Variants in GFRA1 observed in about 807,000 individuals in gnomAD.
GFRA1 encodes GDNF family receptor alpha 1.
GFRA1 carries 16 observed loss-of-function variants against 51.6 expected under a neutral mutation model. The observed-to-expected ratio is 0.31, with a 90% CI of 0.21 to 0.47. GFRA1 has a LOEUF of 0.47. Among genes scored for constraint, GFRA1 ranks in the 20% least tolerant of loss-of-function variants. The pLI is 1.00. For missense variants in GFRA1, 530 were observed against 594.3 expected, an observed-to-expected ratio of 0.89 and a Z score of 1.13; for synonymous variants, 270 against 241.3, an observed-to-expected ratio of 1.12 and a Z score of -1.10.
chr10:116,164,925 A>T (rs1334533943), intron 5 of GFRA1, among the ~76,000 whole-genome samples: 1 of 152,184 alleles, frequency 6.6e-6, no homozygotes, highest in Non-Finnish European at 1.5e-5. Context: ...GATTTTTAAA[A>T]CAAGTTTTTC....
At chr10:116,260,397 T>C (rs1046496328) in intron 4 of GFRA1, among the ~76,000 whole-genome samples, 2 of 152,224 alleles carry the variant, frequency 1.3e-5, no homozygotes, top group African/African-American at 2.4e-5. Context: ...TGTATGCCTA[T>C]GTGTCTGTAT....
At chr10:116,270,024 C>G (rs1437715016) in intron 3 of GFRA1, among the ~76,000 whole-genome samples, 2 of 152,170 alleles carry the variant, frequency 1.3e-5, no homozygotes, top group Non-Finnish European at 2.9e-5. Context: ...ACCTCTGAAA[C>G]AGGTTTTCAT....
In GFRA1 at chr10:116,255,511, A is replaced by C. The variant is rs1282140786; in HGVS notation, c.418+13992T>G. The C allele has an allele frequency of 3.0e-5, 31 of 1,030,136 alleles. No individual in the cohort carries two copies. In the South Asian group the frequency reaches 4.7e-4, roughly 16 times the overall value. The allele number at this position is 1,030,136 out of a possible 1,614,324, so 63.8% of individuals were successfully genotyped here. A position where few individuals can be genotyped will look rare whatever the true frequency, so the allele number is the denominator to read the frequency against. ...AATCATCAGGAAAAAAAAAAACAAA[A>C]AAAAAAACACTAGGTTTCCACCATG... On this transcript the variant is annotated intron_variant, in intron 4 of 10. Coordinates refer to ENST00000355422, the MANE Select transcript of GFRA1 (RefSeq NM_005264.8).
intron 5 of GFRA1, among the ~76,000 whole-genome samples, chr10:116,159,857 C>T (rs547486351): frequency 3.3e-5 from 5 of 152,268 alleles, no homozygotes; most frequent in South Asian, 2.1e-4. Flanking sequence ...GAAAACAAAA[C>T]GTGAAGACCA....
chr10:116,190,725 AAGAG>A (rs1297465066), intron 5 of GFRA1, among the ~76,000 whole-genome samples: 2 of 152,252 alleles, frequency 1.3e-5, no homozygotes, highest in Non-Finnish European at 2.9e-5. Context: ...GAGAAGGAGA[AAGAG>A]AGACGAAAGC....
rs1002675127 is a variant in GFRA1 at position 116,181,097 on chromosome 10, G to T, written c.433+30534C>A. On this transcript the variant is annotated intron_variant, in intron 5 of 10. Coordinates refer to ENST00000355422, the MANE Select transcript of GFRA1 (RefSeq NM_005264.8). ...ATAATGAGCTTAAATAAGCCTACTG[G>T]ACTCCATTTCTGGGAACCCAGGTAC... Among the ~76,000 whole-genome samples the T allele has an allele frequency of 3.3e-5, 5 of 152,142 alleles. 1 individual carries two copies. Among genetic ancestry groups the T allele is most frequent in the African/African-American group, 9.7e-5 (4 of 41,422 alleles).
At chr10:116,159,654 C>T (rs1033189030) in intron 5 of GFRA1, among the ~76,000 whole-genome samples, 4 of 152,184 alleles carry the variant, frequency 2.6e-5, no homozygotes, top group Non-Finnish European at 4.4e-5. Context: ...TGACCTTGCA[C>T]TACACCCTGC....
At chr10:116,099,338 T>C (rs995509027) in intron 6 of GFRA1, among the ~76,000 whole-genome samples, 2 of 152,312 alleles carry the variant, frequency 1.3e-5, no homozygotes, top group Non-Finnish European at 2.9e-5. Flanking sequence ...GGTTGTTAAA[T>C]ATTTACTGGC....
intron 5 of GFRA1, among the ~76,000 whole-genome samples, chr10:116,152,212 G>A (rs1959090557): frequency 6.6e-6 from 1 of 152,152 alleles, no homozygotes; most frequent in Non-Finnish European, 1.5e-5. Flanking sequence ...TTTAATGGAT[G>A]GGCATGATGA....
At chr10:116,265,717 C>T (rs1969604077) in intron 4 of GFRA1, among the ~76,000 whole-genome samples, 1 of 152,168 alleles carries the variant, frequency 6.6e-6, no homozygotes, top group South Asian at 2.1e-4. Flanking sequence ...AGCCTCTGAG[C>T]GCCCACACAG....
In GFRA1 at chr10:116,057,990, T is replaced by TTTG. The variant is rs1555140472; in HGVS notation, c.*6407_*6408insCAA. 7.8e-6 allele frequency: 1 copy of TTTG among 129,028 alleles called. No individual in the cohort carries two copies. The highest frequency in any genetic ancestry group is 2.9e-5 in the African/African-American group (1 of 34,022). The allele number at this position is 129,028 out of a possible 1,614,324, so 8.0% of individuals were successfully genotyped here. A position where few individuals can be genotyped will look rare whatever the true frequency, so the allele number is the denominator to read the frequency against. On this transcript the variant is annotated 3_prime_UTR_variant, in exon 11 of 11. Transcript: ENST00000355422. The stretch of plus-strand genomic sequence containing the variant: ...GCTGGATCATATAGCCCTCCAATCA[T>TTTG]TGTGTGTGTGTGTGTGTGTGTGTGT...
chr10:116,202,231 A>G (rs1254760832), intron 5 of GFRA1, among the ~76,000 whole-genome samples: 2 of 152,284 alleles, frequency 1.3e-5, no homozygotes, highest in East Asian at 3.9e-4. Flanking sequence ...GTGCTAACAG[A>G]AGGGTGGGCA....
rs181380949 is a variant in GFRA1, at chr10:116,098,555, C to T, written c.771-1791G>A. 9.7e-4 allele frequency among the ~76,000 whole-genome samples: 147 copies of T among 152,308 alleles called. 1 individual carries two copies. Among genetic ancestry groups the T allele is most frequent in the African/African-American group, 3.4e-3 (141 of 41,570 alleles). On this transcript the variant is annotated intron_variant, in intron 6 of 10. Coordinates refer to ENST00000355422, the MANE Select transcript of GFRA1 (RefSeq NM_005264.8). ...CACTGGGTTTCTAACTTTGCAAAGG[C>T]CAACTGCAAGTTCAGGCAGCTGGGG...
At chr10:116,252,265 G>A (rs577424265) in intron 4 of GFRA1, among the ~76,000 whole-genome samples, 6 of 151,954 alleles carry the variant, frequency 3.9e-5, no homozygotes, top group Non-Finnish European at 8.8e-5. Context: ...AGCCGAATCC[G>A]CATGAGAGCC....
At chr10:116,162,176 C>T (rs1415716164) in intron 5 of GFRA1, among the ~76,000 whole-genome samples, 2 of 152,204 alleles carry the variant, frequency 1.3e-5, no homozygotes, top group Admixed American at 1.3e-4. Context: ...AGACTGGGTT[C>T]ACCAGCAGTA....
At chr10:116,175,571 T>G (rs1961504872) in intron 5 of GFRA1, among the ~76,000 whole-genome samples, 1 of 152,194 alleles carries the variant, frequency 6.6e-6, no homozygotes, top group East Asian at 1.9e-4. Flanking sequence ...CTTTGCTTCG[T>G]AAGCTACATT....
chr10:116,121,234 T>C (rs903127603), intron 6 of GFRA1, among the ~76,000 whole-genome samples: 1 of 152,228 alleles, frequency 6.6e-6, no homozygotes, highest in South Asian at 2.1e-4. Flanking sequence ...AAACCAGTCC[T>C]GACATCCTTC....
rs563864215 is a variant in GFRA1 at position 116,217,136 on chromosome 10, A to G, written c.419-5491T>C. ...TTTTCAGTTGACAAAGCCCAGGTCC[A>G]GACCTGCAGGTGGGCTCTCCAAAGG... On this transcript the variant is annotated intron_variant, in intron 4 of 10. Coordinates refer to ENST00000355422, the MANE Select transcript of GFRA1 (RefSeq NM_005264.8). 8.5e-5 allele frequency among the ~76,000 whole-genome samples: 13 copies of G among 152,298 alleles called. No homozygotes were observed. In the South Asian group the frequency reaches 2.7e-3, roughly 32 times the overall value.
chr10:116,259,746 C>G (rs186631245), intron 4 of GFRA1, among the ~76,000 whole-genome samples: 26 of 152,316 alleles, frequency 1.7e-4, no homozygotes, highest in African/African-American at 5.5e-4. Context: ...AGAAAGAACA[C>G]AGGTTTTGGA....
Sources: gnomAD v4.1 joint callset for allele counts (sites outside exome capture counted in the v4.1 genomes callset) on GRCh38, gnomAD v4.1.1 for gene constraint, MANE v1.5 for transcripts, NCBI Gene and HGNC (gene_info 2026-07-23, HGNC 2026-07-21) for gene names.